DEUP1: variants seen among roughly 807,000 people sequenced by gnomAD.
DEUP1 encodes the protein deuterosome assembly protein 1, also known as coiled-coil domain containing 67.
A neutral mutation model predicts 87.4 loss-of-function variants in DEUP1; 82 were observed. The ratio of observed to expected loss-of-function variants is 0.94; its 90% confidence interval spans 0.78 to 1.13. The LOEUF (loss-of-function observed/expected upper bound fraction) is 1.13, where lower values mean the gene tolerates loss of function less well. Among genes scored for constraint, DEUP1 ranks in the 50% most tolerant of loss-of-function variants. The pLI is 0.00. For missense variants in DEUP1, 663 were observed against 681.5 expected (o/e 0.97, Z 0.30); for synonymous variants, 214 against 222.7 (o/e 0.96, Z 0.35).
At position 93,355,546 on chromosome 11, in the gene DEUP1, C is replaced by T. The variant is rs200134824; in HGVS notation, c.201+4C>T. On this transcript the variant is annotated splice_donor_region_variant and intron_variant, in intron 3 of 13. Transcript: ENST00000298050. ...TTTGGATCAGAAAGGTCAAGAGGTA[C>T]TGAATACATATGTTAACAAATTGCT... is the stretch of plus-strand genomic sequence containing the variant. 377 of 1,610,986 alleles carry T rather than the reference C, an allele frequency of 2.3e-4. 1 individual carries two copies. In the African/African-American group the frequency reaches 4.7e-3, roughly 20 times the overall value.
chr11:93,434,683 GTAGAAC>G (rs1174743300), intron 13 of DEUP1, among the ~76,000 whole-genome samples: 1 of 152,172 alleles, frequency 6.6e-6, no homozygotes, highest in Non-Finnish European at 1.5e-5. Flanking sequence ...GCCAGGACCT[GTAGAAC>G]AACAGAGCCT....
intron 5 of DEUP1, among the ~76,000 whole-genome samples, chr11:93,365,247 A>G (rs535230986): frequency 1.3e-5 from 2 of 152,156 alleles, no homozygotes; most frequent in Non-Finnish European, 2.9e-5. Flanking sequence ...TCGGCTTATT[A>G]TAAGATCTTT....
intron 4 of DEUP1, 150 bp downstream of exon 4, chr11:93,357,193 C>A: frequency 1.8e-6 from 1 of 562,926 alleles, no homozygotes; most frequent in Non-Finnish European, 3.1e-6. Flanking sequence ...GTTTTATATG[C>A]ATTGATTTTG....
At chr11:93,341,223 G>A (rs906136007) in intron 2 of DEUP1, among the ~76,000 whole-genome samples, 2 of 150,556 alleles carry the variant, frequency 1.3e-5, no homozygotes, top group Non-Finnish European at 2.9e-5. Context: ...TTTGAGAACA[G>A]CCTCAGCATC....
At chr11:93,350,426 T>C (rs552078814) in intron 2 of DEUP1, among the ~76,000 whole-genome samples, 14 of 152,146 alleles carry the variant, frequency 9.2e-5, no homozygotes, top group Non-Finnish European at 1.6e-4. Context: ...AAAAAATCTG[T>C]CTAAAACACA....
At chr11:93,404,244 T>C (rs1418126259) in intron 11 of DEUP1, among the ~76,000 whole-genome samples, 2 of 152,084 alleles carry the variant, frequency 1.3e-5, no homozygotes, top group African/African-American at 4.8e-5. Context: ...AGTGAAGGGT[T>C]TTCTCTTATT....
chr11:93,428,155 T>C (rs1031822104), intron 13 of DEUP1, among the ~76,000 whole-genome samples: 3 of 152,108 alleles, frequency 2.0e-5, no homozygotes, highest in African/African-American at 4.8e-5. Context: ...TGTATGTTTA[T>C]TGCGGCACTA....
intron 2 of DEUP1, among the ~76,000 whole-genome samples, chr11:93,353,685 TCAA>T (rs1370136055): frequency 6.6e-6 from 1 of 152,238 alleles, no homozygotes; most frequent in Non-Finnish European, 1.5e-5. Flanking sequence ...ACCTGAAGGT[TCAA>T]CAACATGTGA....
intron 13 of DEUP1, among the ~76,000 whole-genome samples, chr11:93,418,585 G>C (rs1431200600): frequency 6.6e-6 from 1 of 151,636 alleles, no homozygotes; most frequent in Admixed American, 6.6e-5. Flanking sequence ...CTGTTGGTGG[G>C]ACTGTAAACT....
intron 12 of DEUP1, among the ~76,000 whole-genome samples, chr11:93,412,865 A>G (rs1001116426): frequency 4.5e-4 from 69 of 152,090 alleles, no homozygotes; most frequent in Non-Finnish European, 7.6e-4. Flanking sequence ...TTTCAGTTTA[A>G]TTTGCTGTTC....
chr11:93,330,002 G>T (rs576629556), upstream of DEUP1: 5 of 152,180 alleles, frequency 3.3e-5, no homozygotes, highest in Non-Finnish European at 7.3e-5. Context: ...CCTCTTAGAA[G>T]CTATTCTCTT....
At chr11:93,353,861 C>T (rs1404087145) in intron 2 of DEUP1, among the ~76,000 whole-genome samples, 1 of 152,182 alleles carries the variant, frequency 6.6e-6, no homozygotes, top group Non-Finnish European at 1.5e-5. Context: ...ACTTTTTCCT[C>T]CTGGGCCTCT....
At chr11:93,352,577 C>T in intron 2 of DEUP1, 1 of 596,330 alleles carries the variant, frequency 1.7e-6, no homozygotes, top group South Asian at 2.3e-5. Flanking sequence ...CCATACCTGC[C>T]TGCCTTAGTT....
rs772802905 is a variant in DEUP1, at chr11:93,385,535, T to C, written c.927T>C (p.Asn309=). 1.2e-6 allele frequency: 2 copies of C among 1,600,580 alleles called. No homozygotes were observed. The highest frequency in any genetic ancestry group is 2.2e-5 in the East Asian group (1 of 44,744). ...KIGECQNAQG[N]KTRLESSYLP... ...GAGAGTGCCAAAATGCTCAAGGAAATAAAACAAGGTATAATCTTTATATTT... is the reference window on the plus strand; with the variant it reads ...GAGAGTGCCAAAATGCTCAAGGAAACAAAACAAGGTATAATCTTTATATTT... The change falls in exon 8 of 14, where the codon AAT becomes AAC. Residue 309 remains asparagine (N), a synonymous_variant. Coordinates refer to ENST00000298050, the MANE Select transcript of DEUP1 (RefSeq NM_181645.4).
intron 12 of DEUP1, chr11:93,411,135 C>G (rs1211081487): frequency 6.6e-6 from 1 of 152,206 alleles, no homozygotes; most frequent in Non-Finnish European, 1.5e-5. Context: ...AAGCAGATAT[C>G]TCTCTGTTAA....
intron 12 of DEUP1, among the ~76,000 whole-genome samples, chr11:93,413,989 T>G (rs1368312408): frequency 2.6e-5 from 4 of 152,222 alleles, no homozygotes; most frequent in Non-Finnish European, 5.9e-5. Flanking sequence ...TAATAATACC[T>G]AATCTTTACT....
intron 8 of DEUP1, among the ~76,000 whole-genome samples, chr11:93,386,335 T>G (rs186118716): frequency 1.1e-4 from 16 of 152,274 alleles, no homozygotes; most frequent in Non-Finnish European, 2.4e-4. Flanking sequence ...ATATTGTATA[T>G]TCCATAAACA....
At chr11:93,403,910 T>C (rs190422547) in intron 11 of DEUP1, among the ~76,000 whole-genome samples, 2 of 152,076 alleles carry the variant, frequency 1.3e-5, no homozygotes, top group Non-Finnish European at 2.9e-5. Flanking sequence ...AAACAAGATA[T>C]TTACATCATT....
chr11:93,345,978 TAC>T, intron 2 of DEUP1, among the ~76,000 whole-genome samples: 1 of 152,176 alleles, frequency 6.6e-6, no homozygotes, highest in African/African-American at 2.4e-5. Flanking sequence ...CCAGGGTTTT[TAC>T]AGTTTGGGGT....
Sources: allele counts gnomAD v4.1 joint callset (sites outside exome capture counted in the v4.1 genomes callset), GRCh38; gene constraint gnomAD v4.1.1; transcripts MANE v1.5; gene names NCBI Gene and HGNC (gene_info 2026-07-23, HGNC 2026-07-21).